SCN10A: variants seen among roughly 807,000 people sequenced by gnomAD.
The protein encoded by SCN10A is sodium channel protein type 10 subunit alpha.
Under a neutral mutation model 170.7 loss-of-function variants are expected in SCN10A, and 162 were observed. The ratio of observed to expected loss-of-function variants is 0.95; its 90% CI spans 0.84 to 1.08. The LOEUF (loss-of-function observed/expected upper bound fraction) is 1.08, where lower values mean the gene tolerates loss of function less well. Ranked by LOEUF, SCN10A falls within the 50% of genes least tolerant of loss-of-function variation. The probability of loss-of-function intolerance (pLI) is 0.00; values close to 1 mark genes in which losing one functional copy is unlikely to be tolerated. For missense variants in SCN10A, 2,527 were observed against 2,436.9 expected (o/e 1.04, Z -0.78); for synonymous variants, 985 against 904.6 (o/e 1.09, Z -1.59).
At chr3:38,707,457 A>G (rs1390248747) in intron 25 of SCN10A, 74 bp from the exon 26 acceptor site, 1 of 1,472,708 alleles carries the variant, frequency 6.8e-7, no homozygotes, top group African/African-American at 1.4e-5. Flanking sequence ...CAGGCAGGAG[A>G]GAAAGGATCA....
intron 2 of SCN10A, among the ~76,000 whole-genome samples, chr3:38,792,737 C>T (rs909807083): frequency 7.7e-6 from 1 of 129,140 alleles, no homozygotes; most frequent in Non-Finnish European, 1.6e-5. Flanking sequence ...TCCTAACTCC[C>T]AAACATGCAT....
chr3:38,699,350 T>C (rs1201111551), intron 27 of SCN10A, among the ~76,000 whole-genome samples: 1 of 152,086 alleles, frequency 6.6e-6, no homozygotes, highest in African/African-American at 2.4e-5. Context: ...CTATATGATG[T>C]CTAACTTGAA....
chr3:38,795,064 T>C (rs2064330400), intron 1 of SCN10A, among the ~76,000 whole-genome samples: 1 of 152,166 alleles, frequency 6.6e-6, no homozygotes, highest in African/African-American at 2.4e-5. Context: ...AGCTCTTTCC[T>C]ATCAGCATTT....
At position 38,757,082 on chromosome 3, in the gene SCN10A, G is replaced by A. The variant is rs1182352973; in HGVS notation, c.1028C>T (p.Ala343Val). ...DFNYTSFDSF[A>V]WAFLSLFRLM... ...GCGGAACAGTGAGAGGAAAGCCCAA[G>A]CAAAGGAATCAAAGCTGGTGTAGTT... Residue 343 changes from alanine (A) to valine (V), a missense_variant, in exon 9 of 28, where the codon GCT becomes GTT. Physicochemically the swap from Ala to Val is moderately conservative, Grantham distance 64. Coordinates refer to ENST00000449082, the MANE Select transcript of SCN10A (RefSeq NM_006514.4). 4 of 1,613,810 alleles carry A rather than the reference G, an allele frequency of 2.5e-6. No homozygotes were observed. In the South Asian group the frequency reaches 4.4e-5, roughly 18 times the overall value.
chr3:38,757,842 C>T (rs1453939947), intron 8 of SCN10A, among the ~76,000 whole-genome samples: 2 of 152,092 alleles, frequency 1.3e-5, no homozygotes, highest in African/African-American at 4.8e-5. Context: ...AAAATGACTG[C>T]CTGGTGAGTA....
At chr3:38,766,821 A>C (rs181490761) in intron 5 of SCN10A, among the ~76,000 whole-genome samples, 35 of 152,260 alleles carry the variant, frequency 2.3e-4, no homozygotes, top group African/African-American at 8.2e-4. Flanking sequence ...TCTTCTTTGA[A>C]TGTCTGATAG....
rs148504955 is a variant in SCN10A, at chr3:38,707,456, G to A, written c.4282-73C>T. On this transcript the variant is annotated intron_variant, in intron 25 of 27. Coordinates refer to ENST00000449082, the MANE Select transcript of SCN10A (RefSeq NM_006514.4). ...GATACCAAAATCAGAACAGGCAGGA[G>A]AGAAAGGATCATATCAACCTTCTCC... The A allele has an allele frequency of 4.5e-4, 665 of 1,487,142 alleles. 3 individuals are homozygous for A. The African/African-American group carries it at 7.8e-3, about 17-fold the overall frequency. 92.1% of individuals were successfully genotyped at this position (1,487,142 alleles called of 1,614,324 possible). A position where few individuals can be genotyped will look rare whatever the true frequency, so the allele number is the denominator to read the frequency against.
intron 15 of SCN10A, 30 bp downstream of exon 15, chr3:38,739,485 T>C: frequency 5.0e-6 from 8 of 1,601,524 alleles, no homozygotes; most frequent in Non-Finnish European, 6.8e-6. Flanking sequence ...GGGTGGGAGT[T>C]TCCCCAAGCC....
chr3:38,762,307 T>C (rs907172350), intron 6 of SCN10A, among the ~76,000 whole-genome samples: 1 of 152,138 alleles, frequency 6.6e-6, no homozygotes. Context: ...GGAAAGTCTG[T>C]AGCATTACTG....
chr3:38,807,443 C>A (rs1471668977), intron 1 of SCN10A, among the ~76,000 whole-genome samples: 1 of 152,146 alleles, frequency 6.6e-6, no homozygotes, highest in East Asian at 1.9e-4. Flanking sequence ...ATGCAAATGA[C>A]CTCCAGGCTG....
chr3:38,757,206 G>T, intron 8 of SCN10A, 47 bp from the exon 9 acceptor site: 1 of 1,542,146 alleles, frequency 6.5e-7, no homozygotes, highest in Non-Finnish European at 8.7e-7. Context: ...TGCAGACAAG[G>T]TAGCCCAGGG....
At chr3:38,806,041 C>T (rs1323456890) in intron 1 of SCN10A, among the ~76,000 whole-genome samples, 2 of 152,130 alleles carry the variant, frequency 1.3e-5, no homozygotes, top group African/African-American at 4.8e-5. Context: ...TGGGTGAGAG[C>T]TGAATGGGAC....
intron 4 of SCN10A, among the ~76,000 whole-genome samples, chr3:38,783,069 T>C (rs1030118523): frequency 6.6e-6 from 1 of 152,084 alleles, no homozygotes; most frequent in Non-Finnish European, 1.5e-5. Flanking sequence ...GAGAAAGCTG[T>C]CTCTTTCTCT....
intron 16 of SCN10A, among the ~76,000 whole-genome samples, chr3:38,727,715 A>G (rs937665256): frequency 6.6e-6 from 1 of 152,098 alleles, no homozygotes; most frequent in Non-Finnish European, 1.5e-5. Context: ...AAAGAACCCA[A>G]GTTGGTTGAT....
At chr3:38,714,844 C>T (rs926414379) in intron 21 of SCN10A, among the ~76,000 whole-genome samples, 3 of 152,104 alleles carry the variant, frequency 2.0e-5, no homozygotes, top group Admixed American at 1.3e-4. Flanking sequence ...AGTTCCCCTG[C>T]TAGGAACTTT....
In SCN10A at chr3:38,698,188, AG is replaced by A; in HGVS notation, c.5031del (p.Cys1678ValfsTer20). The A allele has an allele frequency of 6.2e-7, 1 of 1,614,142 alleles. No homozygotes were observed. Among genetic ancestry groups the A allele is most frequent in the South Asian group, 1.1e-5 (1 of 91,062 alleles). ...LSPILNTGPP[Y>X]CDPNLPNSNG... ...TTGCTGTTGGGCAGATTGGGGTCAC[AG>A]TAGGGGGGCCCTGTGTTGAGGATGG... On this transcript the variant is annotated frameshift_variant, in exon 28 of 28. Coordinates refer to ENST00000449082, the MANE Select transcript of SCN10A (RefSeq NM_006514.4). LOFTEE classifies it high-confidence loss of function.
At chr3:38,801,570 A>G (rs2064370737) in intron 1 of SCN10A, among the ~76,000 whole-genome samples, 1 of 152,098 alleles carries the variant, frequency 6.6e-6, no homozygotes, top group South Asian at 2.1e-4. Flanking sequence ...GAGTTCTGGG[A>G]CTTGAGAGAG....
At chr3:38,760,459 C>A (rs1222731946) in intron 8 of SCN10A, among the ~76,000 whole-genome samples, 1 of 152,234 alleles carries the variant, frequency 6.6e-6, no homozygotes, top group Non-Finnish European at 1.5e-5. Context: ...GAATTAAATA[C>A]ATTGTTGTTT....
At chr3:38,711,113 T>C (rs546478774) in intron 23 of SCN10A, among the ~76,000 whole-genome samples, 2 of 152,352 alleles carry the variant, frequency 1.3e-5, no homozygotes, top group South Asian at 4.1e-4. Flanking sequence ...TAGAGTAGCA[T>C]TAAAGACACA....
Sources: allele counts gnomAD v4.1 joint callset (sites outside exome capture counted in the v4.1 genomes callset), GRCh38; gene constraint gnomAD v4.1.1; transcripts MANE v1.5; gene names NCBI Gene and HGNC (gene_info 2026-07-23, HGNC 2026-07-21).